Variants in CAMTA2 observed in about 807,000 individuals in gnomAD.
CAMTA2 encodes the protein calmodulin-binding transcription activator 2.
Under a neutral mutation model 135.7 loss-of-function variants are expected in CAMTA2, and 56 were observed. The ratio of observed to expected loss-of-function variants is 0.41; its 90% CI spans 0.33 to 0.52. The LOEUF (loss-of-function observed/expected upper bound fraction) is 0.52. Among genes scored for constraint, CAMTA2 ranks in the 20% least tolerant of loss-of-function variants. CAMTA2 has a pLI of 0.16. For synonymous variants in CAMTA2, 591 were observed against 604.6 expected (o/e 0.98, Z 0.33); for missense variants, 1,358 against 1,553.4 (o/e 0.87, Z 2.11).
chr17:4,986,824 C>A, intron 1 of CAMTA2: 1 of 729,334 alleles, frequency 1.4e-6, no homozygotes, highest in Non-Finnish European at 2.4e-6. Flanking sequence ...TGGTTAGGAC[C>A]TGATAGAATC....
At position 4,980,630 on chromosome 17, in the gene CAMTA2, G is replaced by A. The variant is rs560640134; in HGVS notation, c.701-9C>T. On this transcript the variant is annotated splice_polypyrimidine_tract_variant and intron_variant, in intron 8 of 22. Transcript: ENST00000348066. This position sits in a 1 kb window ranked among gnomAD's most constrained non-coding sequence, Gnocchi z 5.3. ...GGTAAGGCTCCCAGAACCTGGAGTG[G>A]AGAGGAGTAGGAGGGAGAGGAGATA... 3 of 1,609,532 alleles carry A rather than the reference G, an allele frequency of 1.9e-6. No individual in the cohort carries two copies. The highest frequency in any genetic ancestry group is 2.7e-5 in the African/African-American group (2 of 74,892).
Position 4,981,003 on chromosome 17 carries a change from A to G in CAMTA2, c.700+222T>C, listed in dbSNP as rs561634983. Among the ~76,000 whole-genome samples the G allele has an allele frequency of 7.2e-5, 11 of 152,314 alleles. No individual in the cohort carries two copies. The South Asian group carries it at 1.9e-3, about 26-fold the overall frequency. ...GGGGACAGGAATTGCTGAAGGTAGA[A>G]GACAGGAAGGGCAGAGGCTGCCATG... On this transcript the variant is annotated intron_variant, in intron 8 of 22. Coordinates refer to ENST00000348066, the MANE Select transcript of CAMTA2 (RefSeq NM_015099.4).
At chr17:4,976,284 G>A (rs962414260) in intron 11 of CAMTA2, among the ~76,000 whole-genome samples, 1 of 151,988 alleles carries the variant, frequency 6.6e-6, no homozygotes, top group Non-Finnish European at 1.5e-5. Context: ...GGGATTAGAA[G>A]CACGAGCCAC....
intron 16 of CAMTA2, 128 bp from the exon 17 acceptor site, chr17:4,970,664 TC>T (rs2151160695): frequency 2.7e-6 from 2 of 738,696 alleles, no homozygotes; most frequent in African/African-American, 1.7e-5. Context: ...GGGCCACTGT[TC>T]CAGACTCATT....
Position 4,972,442 on chromosome 17 carries a change from A to G in CAMTA2, c.2598T>C (p.Pro866=), listed in dbSNP as rs1187958791. Residue 866 remains proline (P), a synonymous_variant, in exon 16 of 23, where the codon CCT becomes CCC. Transcript: ENST00000348066. ...YSSAPDGSPP[P]APLPASEMTM... Reference sequence around the variant, plus strand: ...TCATCTCAGAGGCTGGCAGAGGTGCAGGGGGGGGACTGCCATCTGGGGCAC... The same window carrying G: ...TCATCTCAGAGGCTGGCAGAGGTGCGGGGGGGGGACTGCCATCTGGGGCAC... The G allele has an allele frequency of 1.1e-5, 18 of 1,611,410 alleles. No homozygotes were observed. Among genetic ancestry groups the G allele is most frequent in the East Asian group, 2.2e-5 (1 of 44,864 alleles).
In CAMTA2 at chr17:4,969,129, AGGGCTG is replaced by A. The variant is rs755625201; in HGVS notation, c.3470+15_3470+20del. On this transcript the variant is annotated intron_variant, in intron 21 of 22. Transcript: ENST00000348066. This position sits in a 1 kb window ranked among gnomAD's most constrained non-coding sequence, Gnocchi z 5.6. The stretch of plus-strand genomic sequence containing the variant: ...GCGTGGATGCAGTGGGTGGGCACAG[AGGGCTG>A]GGGCTGGGCCCTACTTGTTGCGGGC... The A allele has an allele frequency of 1.3e-6, 2 of 1,597,836 alleles. No individual in the cohort carries two copies. The highest frequency in any genetic ancestry group is 2.2e-5 in the East Asian group (1 of 44,742).
rs755396363 is a variant in CAMTA2, at chr17:4,972,977, G to C, written c.2295C>G (p.Ala765=). The change falls in exon 15 of 23, where the codon GCC becomes GCG. Residue 765 remains alanine, a synonymous_variant. Transcript: ENST00000348066. ...GCACAGCAGCTTCCAGGTGTCCCAG[G>C]GCACAAGCCCACATCTGAGGAAGGG... is the stretch of plus-strand genomic sequence containing the variant. ...FSCTPLMWAC[A]LGHLEAAVLL... 1.2e-6 allele frequency: 2 copies of C among 1,612,668 alleles called. No individual in the cohort carries two copies. Among genetic ancestry groups the C allele is most frequent in the African/African-American group, 2.7e-5 (2 of 74,924 alleles).
At chr17:4,985,856 C>T in intron 3 of CAMTA2, 24 bp downstream of exon 3, 3 of 1,546,416 alleles carry the variant, frequency 1.9e-6, no homozygotes, top group Non-Finnish European at 2.7e-6. Flanking sequence ...TGCTGGGCCC[C>T]AACCCCCAGC....
Position 4,974,410 on chromosome 17 carries a change from T to A in CAMTA2, c.1991A>T (p.Gln664Leu), listed in dbSNP as rs767736288. Residue 664 changes from glutamine to leucine, a missense_variant, in exon 12 of 23, where the codon CAG becomes CTG. This residue lies in a region of CAMTA2 where 1,077 missense variants were observed against 1,127.5 expected (regional missense o/e 0.96). Transcript: ENST00000348066. ...EIAAAGQVPC[Q>L]GPDAPPVQDE... ...CTGAACTGGAGGAGCATCAGGACCC[T>A]GGCAAGGCACCTGCCCAGCTGCTGC... 1 of 1,613,310 alleles carries A rather than the reference T, an allele frequency of 6.2e-7. No homozygotes were observed. Among genetic ancestry groups the A allele is most frequent in the Non-Finnish European group, 8.5e-7 (1 of 1,179,372 alleles).
In CAMTA2 at chr17:4,973,280, G is replaced by A. The variant is rs761050522; in HGVS notation, c.2202-27C>T. On this transcript the variant is annotated intron_variant, in intron 13 of 22. Coordinates refer to ENST00000348066, the MANE Select transcript of CAMTA2 (RefSeq NM_015099.4). ...TGGAGGGTTTGGGAGAGAGACAGCA[G>A]AGCCCAATGAGGGAAAAAGTGGGCA... 3.7e-5 allele frequency: 59 copies of A among 1,575,362 alleles called. No individual in the cohort carries two copies. The South Asian group carries it at 6.2e-4, about 17-fold the overall frequency.
rs1294534595 is a variant in CAMTA2 at position 4,976,947 on chromosome 17, AT to A, written c.1900+110del. ...ATGAAATAGGAATTGAAAAAAAAAAATGGTAAAGTGGGGGCTCAGTGATGGC... is the reference window on the plus strand; with the variant it reads ...ATGAAATAGGAATTGAAAAAAAAAAAGGTAAAGTGGGGGCTCAGTGATGGC... On this transcript the variant is annotated intron_variant, in intron 11 of 22. Coordinates refer to ENST00000348066, the MANE Select transcript of CAMTA2 (RefSeq NM_015099.4). 4.7e-6 allele frequency: 5 copies of A among 1,053,026 alleles called. No homozygotes were observed. In the South Asian group the frequency reaches 5.6e-5, roughly 12 times the overall value. The allele number at this position is 1,053,026 out of a possible 1,614,324, so 65.2% of individuals were successfully genotyped here.
chr17:4,986,322 CCCA>C (rs1973293586), intron 1 of CAMTA2, 36 bp from the exon 2 acceptor site: 2 of 821,006 alleles, frequency 2.4e-6, no homozygotes, highest in African/African-American at 3.5e-5. Flanking sequence ...GGCAGAAGCC[CCCA>C]CATTAATCCA....
At chr17:4,979,508 CAAAAAA>C (rs5819002) in intron 9 of CAMTA2, 170 bp downstream of exon 9, 75 of 206,062 alleles carry the variant, frequency 3.6e-4, no homozygotes, top group African/African-American at 1.0e-3. Flanking sequence ...GAAACTGTCT[CAAAAAA>C]AAAAAAAAAA....
At chr17:4,984,478 A>T (rs1973146031) in intron 3 of CAMTA2, among the ~76,000 whole-genome samples, 1 of 152,224 alleles carries the variant, frequency 6.6e-6, no homozygotes, top group Non-Finnish European at 1.5e-5. Flanking sequence ...TCTATAAACC[A>T]AACCCCTTTT....
chr17:4,970,164 A>T (rs770103046), intron 17 of CAMTA2, 79 bp from the exon 18 acceptor site: 2 of 1,464,280 alleles, frequency 1.4e-6, no homozygotes, highest in Non-Finnish European at 1.9e-6. Context: ...TACGAAGGAA[A>T]ACCACCAGCA....
intron 1 of CAMTA2, chr17:4,987,392 T>C: frequency 6.6e-6 from 9 of 1,368,928 alleles, no homozygotes; most frequent in Non-Finnish European, 8.4e-6. Flanking sequence ...TCCGGGACAG[T>C]CCCCGGCACG....
Position 4,970,362 on chromosome 17 carries a change from A to G in CAMTA2, c.2983T>C (p.Phe995Leu). ...LASYLENVDH[F>L]PSSTPPSELP... ...CACCTGGGAGGGGTTGAGCTGGGGA[A>G]ATGGTCCACATTCTCCAGGTAGCTG... is the stretch of plus-strand genomic sequence containing the variant. Residue 995 changes from phenylalanine (F) to leucine (L), a missense_variant, in exon 17 of 23, where the codon TTC (phenylalanine) becomes CTC (leucine). By Grantham distance (22) the Phe-to-Leu change is conservative. Coordinates refer to ENST00000348066, the MANE Select transcript of CAMTA2 (RefSeq NM_015099.4). 6.2e-7 allele frequency: 1 copy of G among 1,614,206 alleles called. No individual in the cohort carries two copies. The highest frequency in any genetic ancestry group is 8.5e-7 in the Non-Finnish European group (1 of 1,180,032).
chr17:4,987,558 G>T, intron 1 of CAMTA2, 35 bp downstream of exon 1: 1 of 1,508,136 alleles, frequency 6.6e-7, no homozygotes, highest in Non-Finnish European at 8.8e-7. Flanking sequence ...TCTGGCGCGG[G>T]GGCGGAGAGG....
chr17:4,983,064 A>G, intron 3 of CAMTA2, 21 bp from the exon 4 acceptor site: 3 of 1,605,572 alleles, frequency 1.9e-6, no homozygotes, highest in Non-Finnish European at 2.6e-6. Flanking sequence ...GGAGGCACTC[A>G]GCTGGGCATC....
Sources: gnomAD v4.1 joint callset for allele counts (sites outside exome capture counted in the v4.1 genomes callset) on GRCh38, gnomAD v4.1.1 for gene constraint, gnomAD v4.1.1 regional missense constraint, Gnocchi (gnomAD v3.1) non-coding constraint, MANE v1.5 for transcripts, NCBI Gene and HGNC (gene_info 2026-07-23, HGNC 2026-07-21) for gene names.